Variants in CDON observed in about 807,000 individuals in gnomAD.
CDON encodes the protein cell adhesion associated, oncogene regulated.
In CDON, 73 loss-of-function variants were observed where a neutral mutation model predicts 120.9. The ratio of observed to expected loss-of-function variants is 0.60; its 90% confidence interval spans 0.50 to 0.73. The LOEUF (loss-of-function observed/expected upper bound fraction) is 0.73, where lower values mean the gene tolerates loss of function less well. Ranked by LOEUF, CDON falls within the 30% of genes least tolerant of loss-of-function variation. CDON has a pLI of 0.00. For synonymous variants in CDON, 566 were observed against 573.5 expected, an observed-to-expected ratio of 0.99 and a Z score of 0.19; for missense variants, 1,470 against 1,587.3, an observed-to-expected ratio of 0.93 and a Z score of 1.26.
intron 1 of CDON, among the ~76,000 whole-genome samples, chr11:126,029,602 A>G (rs908967822): frequency 6.6e-6 from 1 of 152,176 alleles, no homozygotes; most frequent in Non-Finnish European, 1.5e-5. Context: ...TACTAGAGGT[A>G]ATAAAATCAG....
At chr11:126,010,020 A>G (rs1396766780) in intron 8 of CDON, among the ~76,000 whole-genome samples, 1 of 152,214 alleles carries the variant, frequency 6.6e-6, no homozygotes, top group East Asian at 1.9e-4. Context: ...AGGGCATAAA[A>G]AATGTCTGCA....
intron 1 of CDON, among the ~76,000 whole-genome samples, chr11:126,042,431 A>G (rs914340683): frequency 5.3e-5 from 8 of 152,216 alleles, no homozygotes; most frequent in African/African-American, 1.9e-4. Flanking sequence ...TAATTCTGAT[A>G]ATCTAATCCA....
At chr11:126,049,002 CCAACAGGCG>C (rs1389364856) in intron 1 of CDON, among the ~76,000 whole-genome samples, 6 of 152,254 alleles carry the variant, frequency 3.9e-5, no homozygotes, top group Middle Eastern at 3.4e-3. Flanking sequence ...CAGGCGTGAG[CCAACAGGCG>C]TGAGCCACCG....
intron 7 of CDON, chr11:126,014,780 T>TA (rs1193482401): frequency 6.4e-6 from 1 of 157,420 alleles, no homozygotes; most frequent in African/African-American, 2.4e-5. Flanking sequence ...AGATGTTAAG[T>TA]AAAAAATTTA....
At chr11:126,012,346 A>G (rs1947327024) in intron 7 of CDON, among the ~76,000 whole-genome samples, 2 of 152,158 alleles carry the variant, frequency 1.3e-5, no homozygotes, top group South Asian at 4.1e-4. Flanking sequence ...CTGTGATATA[A>G]AAAAGGTGGT....
intron 18 of CDON, among the ~76,000 whole-genome samples, chr11:125,976,613 AC>A (rs1946156973): frequency 2.3e-5 from 2 of 86,530 alleles, no homozygotes; most frequent in Non-Finnish European, 4.8e-5. Flanking sequence ...GCACACACAC[AC>A]ACAAACACAC....
At chr11:126,048,201 G>A (rs889595393) in intron 1 of CDON, among the ~76,000 whole-genome samples, 1 of 150,972 alleles carries the variant, frequency 6.6e-6, no homozygotes, top group Admixed American at 6.6e-5. Flanking sequence ...AGAATCGCTT[G>A]AGCCCTGGGA....
At chr11:126,062,114 C>A (rs1948812304) in intron 1 of CDON, among the ~76,000 whole-genome samples, 1 of 152,170 alleles carries the variant, frequency 6.6e-6, no homozygotes, top group East Asian at 1.9e-4. Flanking sequence ...GTCAGTGAGT[C>A]TTGTGAAGGC....
Position 126,015,295 on chromosome 11 carries a change from C to A in CDON, c.1144G>T (p.Ala382Ser), listed in dbSNP as rs765870698. Residue 382 changes from alanine to serine, a missense_variant, in exon 7 of 20, where the codon GCA becomes TCA. Ala to Ser is a moderately conservative substitution (Grantham distance 99). Transcript: ENST00000531738. ...VEDVGMYQCV[A>S]DNGIGFMHST... is the part of the protein sequence containing the mutation. ...TGCATAAATCCAATCCCATTATCTG[C>A]TACACACTGATACATCCCAACATCT... 1.9e-6 allele frequency: 3 copies of A among 1,614,052 alleles called. No individual in the cohort carries two copies. The highest frequency in any genetic ancestry group is 2.5e-6 in the Non-Finnish European group (3 of 1,179,910).
At chr11:125,965,956 G>A (rs1218258624) in intron 18 of CDON, among the ~76,000 whole-genome samples, 1 of 152,130 alleles carries the variant, frequency 6.6e-6, no homozygotes, top group African/African-American at 2.4e-5. Context: ...CCAACATGGA[G>A]AAACCGCGTC....
chr11:125,964,200 C>G (rs150701383), intron 18 of CDON, among the ~76,000 whole-genome samples: 1 of 152,136 alleles, frequency 6.6e-6, no homozygotes, highest in Admixed American at 6.5e-5. Context: ...GGGGCAAGGT[C>G]GTGGGGAGAA....
chr11:126,023,970 C>T (rs1947710810), intron 1 of CDON, among the ~76,000 whole-genome samples: 1 of 152,178 alleles, frequency 6.6e-6, no homozygotes, highest in Non-Finnish European at 1.5e-5. Context: ...TGCTTTAATA[C>T]ACGAATTTAA....
At chr11:126,005,126 C>G (rs1444036459) in intron 9 of CDON, among the ~76,000 whole-genome samples, 5 of 151,926 alleles carry the variant, frequency 3.3e-5, no homozygotes, top group Non-Finnish European at 7.4e-5. Flanking sequence ...ATGGCAAAAC[C>G]CCATCTCTAC....
chr11:125,989,346 GC>G (rs1946561305), intron 15 of CDON, among the ~76,000 whole-genome samples: 1 of 152,150 alleles, frequency 6.6e-6, no homozygotes, highest in Non-Finnish European at 1.5e-5. Context: ...GACCAGCTTG[GC>G]CAACATGGTG....
chr11:126,023,261 A>G, intron 2 of CDON, 140 bp downstream of exon 2: 1 of 779,074 alleles, frequency 1.3e-6, no homozygotes, highest in Non-Finnish European at 2.3e-6. Context: ...TCGAGTTTTT[A>G]AATCATGTAG....
At chr11:126,048,433 G>A (rs1262696527) in intron 1 of CDON, among the ~76,000 whole-genome samples, 2 of 152,162 alleles carry the variant, frequency 1.3e-5, no homozygotes, top group South Asian at 4.1e-4. Flanking sequence ...GAACACTCGA[G>A]CAAAGAGGTC....
intron 18 of CDON, among the ~76,000 whole-genome samples, chr11:125,972,945 G>GT (rs1275684863): frequency 1.3e-5 from 2 of 149,254 alleles, no homozygotes; most frequent in Admixed American, 6.7e-5. Flanking sequence ...CTCTGCCTCA[G>GT]TGACTGCGCC....
chr11:125,989,800 A>G (rs1160398622), intron 14 of CDON, 41 bp from the exon 15 acceptor site: 1 of 1,580,964 alleles, frequency 6.3e-7, no homozygotes. Context: ...CATACAGCCT[A>G]AATGATAATG....
intron 5 of CDON, among the ~76,000 whole-genome samples, chr11:126,017,875 C>CA (rs1282582934): frequency 6.6e-6 from 1 of 152,002 alleles, no homozygotes; most frequent in African/African-American, 2.4e-5. Context: ...AAAGCATGTA[C>CA]AGAACTCTTC....
Sources: gnomAD v4.1 joint callset for allele counts (sites outside exome capture counted in the v4.1 genomes callset) on GRCh38, gnomAD v4.1.1 for gene constraint, MANE v1.5 for transcripts, NCBI Gene and HGNC (gene_info 2026-07-23, HGNC 2026-07-21) for gene names.